TENM3: variants seen among roughly 807,000 people sequenced by gnomAD.
The protein encoded by TENM3 is teneurin-3.
TENM3 carries 63 observed loss-of-function variants against 255.1 expected under a neutral mutation model. The ratio of observed to expected loss-of-function variants is 0.25; its 90% CI spans 0.20 to 0.30. The LOEUF is 0.30. TENM3 is among the 10% of genes least tolerant of loss of function. The probability of loss-of-function intolerance (pLI) is 1.00; values close to 1 mark genes in which losing one functional copy is unlikely to be tolerated. For missense variants in TENM3, 2,929 were observed against 3,461.1 expected (o/e 0.85, Z 3.86); for synonymous variants, 1,306 against 1,322.3 (o/e 0.99, Z 0.27).
the TENM3 span, among the ~76,000 whole-genome samples, chr4:182,097,094 AG>A: frequency 6.6e-6 from 1 of 152,148 alleles, no homozygotes; most frequent in Non-Finnish European, 1.5e-5. Flanking sequence ...AGGGCTATGC[AG>A]GGTGCTTTCG....
the TENM3 span, among the ~76,000 whole-genome samples, chr4:181,750,613 A>T: frequency 1.3e-5 from 2 of 152,168 alleles, no homozygotes; most frequent in African/African-American, 4.8e-5. Flanking sequence ...CAGGACATTA[A>T]TTAGCCCAAA....
intron 12 of TENM3, among the ~76,000 whole-genome samples, chr4:182,690,098 A>G (rs1214694004): frequency 6.6e-6 from 1 of 151,290 alleles, no homozygotes; most frequent in Non-Finnish European, 1.5e-5. Context: ...GGAACATCCA[A>G]ATTTCCAGAT....
At chr4:182,315,379 T>C (rs1762693777) in intron 1 of TENM3, among the ~76,000 whole-genome samples, 1 of 152,010 alleles carries the variant, frequency 6.6e-6, no homozygotes. Flanking sequence ...TTTTTGAGAG[T>C]TATTTTCATG....
At chr4:182,705,957 T>G (rs1579177120) in intron 12 of TENM3, among the ~76,000 whole-genome samples, 1 of 152,360 alleles carries the variant, frequency 6.6e-6, no homozygotes, top group East Asian at 1.9e-4. Context: ...TTCTTTAGTT[T>G]ATATAAGGTA....
intron 1 of TENM3, among the ~76,000 whole-genome samples, chr4:182,202,001 T>C (rs1754213116): frequency 6.6e-6 from 1 of 152,216 alleles, no homozygotes; most frequent in African/African-American, 2.4e-5. Flanking sequence ...TAGTAACAAA[T>C]TGGACAACCA....
the TENM3 span, among the ~76,000 whole-genome samples, chr4:181,762,703 C>T: frequency 1.5e-4 from 23 of 152,300 alleles, no homozygotes; most frequent in African/African-American, 5.5e-4. Flanking sequence ...AAATGATCAA[C>T]ATTTTTACCC....
the TENM3 span, among the ~76,000 whole-genome samples, chr4:181,664,648 G>A: frequency 3.3e-5 from 5 of 152,052 alleles, no homozygotes. Flanking sequence ...TTTCACTCCT[G>A]GCCAAACCTT....
rs574225008 is a variant in TENM3 at position 182,785,191 on chromosome 4, C to T, written c.5305-3902C>T. 1.3e-4 allele frequency among the ~76,000 whole-genome samples: 20 copies of T among 151,862 alleles called. No homozygotes were observed. In the South Asian group the frequency reaches 1.5e-3, roughly 11 times the overall value. ...TCACAGGCTCAAGTGATCCTCCCAC[C>T]CCAGGCTCCCAAGTAGCTGGGACTA... On this transcript the variant is annotated intron_variant, in intron 24 of 27. Transcript: ENST00000511685.
At chr4:181,463,009 A>G in the TENM3 span, among the ~76,000 whole-genome samples, 15 of 152,182 alleles carry the variant, frequency 9.9e-5, no homozygotes, top group Admixed American at 8.5e-4. Flanking sequence ...TCTTGTCTAC[A>G]CAGTAAGCAC....
chr4:181,670,000 C>G, the TENM3 span, among the ~76,000 whole-genome samples: 2 of 152,160 alleles, frequency 1.3e-5, no homozygotes, highest in African/African-American at 4.8e-5. Context: ...GGGCAGTTTA[C>G]AATTTCTAAT....
the TENM3 span, among the ~76,000 whole-genome samples, chr4:182,127,257 A>C: frequency 6.6e-6 from 1 of 152,206 alleles, no homozygotes; most frequent in Non-Finnish European, 1.5e-5. Context: ...AGCAGCTAAA[A>C]ACATAGCATC....
upstream of TENM3, among the ~76,000 whole-genome samples, chr4:182,241,698 C>T (rs372598300): frequency 1.7e-3 from 238 of 143,648 alleles, 8 homozygotes; most frequent in South Asian, 0.049. Flanking sequence ...TTAGTAGAGA[C>T]GGGTTTTCCC....
chr4:181,712,903 T>C, the TENM3 span, among the ~76,000 whole-genome samples: 1 of 152,230 alleles, frequency 6.6e-6, no homozygotes, highest in Non-Finnish European at 1.5e-5. Flanking sequence ...TGTCACAAGA[T>C]GTTGGGATAT....
chr4:182,789,056 C>T lies in TENM3; in HGVS notation c.5305-37C>T, dbSNP rs1315532490. 3 of 1,548,112 alleles carry T rather than the reference C, an allele frequency of 1.9e-6. No homozygotes were observed. The highest frequency in any genetic ancestry group is 1.4e-5 in the African/African-American group (1 of 73,576). ...ACTGGGGACTCCGGTGTTGGAATAA[C>T]ATGATTTATTTTATCATCTTGTTGG... On this transcript the variant is annotated intron_variant, in intron 24 of 27. Transcript: ENST00000511685. The surrounding 1 kb of genome is among the most constrained non-coding windows in gnomAD (Gnocchi z 4.4).
the TENM3 span, among the ~76,000 whole-genome samples, chr4:181,577,002 AAT>A: frequency 5.0e-4 from 65 of 130,194 alleles, no homozygotes; most frequent in African/African-American, 1.6e-3. Context: ...TTATATATAT[AAT>A]ATATATATAA....
At chr4:181,847,238 C>T in the TENM3 span, among the ~76,000 whole-genome samples, 1 of 152,204 alleles carries the variant, frequency 6.6e-6, no homozygotes, top group African/African-American at 2.4e-5. Context: ...CAGCTTTACA[C>T]ACCTAAACCT....
At chr4:181,554,888 G>A in the TENM3 span, among the ~76,000 whole-genome samples, 138 of 152,212 alleles carry the variant, frequency 9.1e-4, 1 homozygote, top group African/African-American at 3.1e-3. Context: ...ATTTTGTTTT[G>A]CCATCTATTG....
chr4:182,415,433 G>A (rs900768074), intron 3 of TENM3, among the ~76,000 whole-genome samples: 1 of 152,154 alleles, frequency 6.6e-6, no homozygotes, highest in African/African-American at 2.4e-5. Context: ...ATTGGAAAGA[G>A]GTAATATACA....
At chr4:182,575,832 G>A (rs1744861060) in intron 3 of TENM3, among the ~76,000 whole-genome samples, 1 of 152,168 alleles carries the variant, frequency 6.6e-6, no homozygotes, top group Non-Finnish European at 1.5e-5. Flanking sequence ...CTGAATTTCT[G>A]TCCTTAAGGT....
Sources: gnomAD v4.1 joint callset for allele counts (sites outside exome capture counted in the v4.1 genomes callset) on GRCh38, gnomAD v4.1.1 for gene constraint, Gnocchi (gnomAD v3.1) non-coding constraint, MANE v1.5 for transcripts, NCBI Gene and HGNC (gene_info 2026-07-23, HGNC 2026-07-21) for gene names.